The following KSR1 variants were observed in gnomAD, a reference collection of about 807,000 sequenced individuals.
The protein encoded by KSR1 is kinase suppressor of ras 1, also known as kinase suppressor of ras.
KSR1 carries 35 observed loss-of-function variants against 92.9 expected under a neutral mutation model. The ratio of observed to expected loss-of-function variants is 0.38; its 90% CI spans 0.29 to 0.50. The LOEUF (loss-of-function observed/expected upper bound fraction) is 0.50, where lower values mean the gene tolerates loss of function less well. KSR1 is among the 20% of genes least tolerant of loss of function. The pLI is 0.94. For missense variants in KSR1, 972 were observed against 1,158.5 expected (o/e 0.84, Z 2.34); for synonymous variants, 467 against 472.6 (o/e 0.99, Z 0.15).
At chr17:27,516,198 CT>C (rs2069787071) in intron 1 of KSR1, among the ~76,000 whole-genome samples, 1 of 152,158 alleles carries the variant, frequency 6.6e-6, no homozygotes, top group Non-Finnish European at 1.5e-5. Flanking sequence ...GTTTTCTCAT[CT>C]GTGAAAGAGC....
chr17:27,554,334 G>T (rs910448939), intron 2 of KSR1, among the ~76,000 whole-genome samples: 1 of 152,138 alleles, frequency 6.6e-6, no homozygotes, highest in Non-Finnish European at 1.5e-5. Flanking sequence ...TAAAACAGGG[G>T]ACCCATCCCC....
At chr17:27,546,679 G>C (rs963328377) in intron 1 of KSR1, among the ~76,000 whole-genome samples, 1 of 152,192 alleles carries the variant, frequency 6.6e-6, no homozygotes, top group African/African-American at 2.4e-5. Flanking sequence ...ATGGAACGGA[G>C]CTGGGGGGCT....
chr17:27,525,024 T>A (rs1047534869), intron 1 of KSR1, among the ~76,000 whole-genome samples: 1 of 152,236 alleles, frequency 6.6e-6, no homozygotes, highest in Admixed American at 6.5e-5. Context: ...TTACTGAAAA[T>A]GTGATCATTC....
chr17:27,506,584 C>T (rs916094851), intron 1 of KSR1, among the ~76,000 whole-genome samples: 36 of 152,128 alleles, frequency 2.4e-4, no homozygotes, highest in African/African-American at 8.7e-4. Flanking sequence ...ACTTGCGGGC[C>T]GGCAGCTGGG....
chr17:27,477,950 T>A (rs900096710), intron 1 of KSR1, among the ~76,000 whole-genome samples: 1 of 152,120 alleles, frequency 6.6e-6, no homozygotes, highest in Non-Finnish European at 1.5e-5. Context: ...TGGTCTCAAG[T>A]GAGGCCAAGG....
chr17:27,526,894 T>A, intron 1 of KSR1: 1 of 641,910 alleles, frequency 1.6e-6, no homozygotes, highest in Non-Finnish European at 2.8e-6. Context: ...ATGCTGGTGA[T>A]CTCCTTCCCT....
intron 1 of KSR1, among the ~76,000 whole-genome samples, chr17:27,539,683 G>A (rs2070887617): frequency 6.6e-6 from 1 of 152,134 alleles, no homozygotes; most frequent in Admixed American, 6.5e-5. Flanking sequence ...GGGTAAAGTG[G>A]GTGTCTTTCT....
intron 2 of KSR1, among the ~76,000 whole-genome samples, chr17:27,564,487 G>A (rs139285617): frequency 6.6e-6 from 1 of 152,306 alleles, no homozygotes; most frequent in East Asian, 1.9e-4. Flanking sequence ...ACAAATCCAA[G>A]GAAGTCTGGA....
At chr17:27,460,775 G>A (rs1235612968) in intron 1 of KSR1, among the ~76,000 whole-genome samples, 1 of 152,176 alleles carries the variant, frequency 6.6e-6, no homozygotes, top group Admixed American at 6.5e-5. Context: ...GAACTGCTGG[G>A]AGAGGGGAGG....
At chr17:27,547,680 A>G (rs185746550) in intron 1 of KSR1, among the ~76,000 whole-genome samples, 15 of 152,264 alleles carry the variant, frequency 9.9e-5, no homozygotes, top group Admixed American at 9.8e-4. Context: ...GTGCAGTCAG[A>G]CAAGGGATAC....
chr17:27,542,167 A>G (rs2948531), intron 1 of KSR1, among the ~76,000 whole-genome samples: 152,195 of 152,312 alleles, frequency 1, 76,039 homozygotes, highest in Middle Eastern at 1. Context: ...CTAGCCTCTG[A>G]AATTTTCACT....
intron 6 of KSR1, among the ~76,000 whole-genome samples, chr17:27,590,263 T>C (rs1408725735): frequency 6.6e-6 from 1 of 152,246 alleles, no homozygotes; most frequent in African/African-American, 2.4e-5. Context: ...TATTGTACCT[T>C]ACTTTTTTAA....
intron 1 of KSR1, among the ~76,000 whole-genome samples, chr17:27,508,720 T>TATTTATTC (rs933499141): frequency 1.3e-5 from 2 of 149,432 alleles, no homozygotes; most frequent in African/African-American, 4.9e-5. Flanking sequence ...TTTATTTATT[T>TATTTATTC]ATTTATTTAT....
At chr17:27,556,204 C>T (rs573550468) in intron 2 of KSR1, among the ~76,000 whole-genome samples, 3 of 152,236 alleles carry the variant, frequency 2.0e-5, no homozygotes, top group East Asian at 1.9e-4. Context: ...TCTTTTTCTT[C>T]AACGGTTATT....
intron 1 of KSR1, among the ~76,000 whole-genome samples, chr17:27,506,719 C>T (rs1282310785): frequency 6.4e-5 from 8 of 124,896 alleles, no homozygotes; most frequent in Non-Finnish European, 1.1e-4. Flanking sequence ...TTCTGTGGTG[C>T]GAGTGTTGGT....
At chr17:27,518,028 G>A (rs139240169) in intron 1 of KSR1, among the ~76,000 whole-genome samples, 25 of 152,344 alleles carry the variant, frequency 1.6e-4, no homozygotes, top group African/African-American at 5.8e-4. Context: ...TCTTGATACA[G>A]AAATAAATAA....
chr17:27,519,183 T>C (rs537240522), intron 1 of KSR1, among the ~76,000 whole-genome samples: 52 of 152,248 alleles, frequency 3.4e-4, no homozygotes, highest in African/African-American at 1.2e-3. Flanking sequence ...CTTGTGGTGG[T>C]CAGCGCCTGG....
At chr17:27,601,173 C>T in intron 10 of KSR1, 187 bp from the exon 11 acceptor site, 1 of 590,778 alleles carries the variant, frequency 1.7e-6, no homozygotes, top group African/African-American at 1.9e-5. Context: ...CCTGCCAGGG[C>T]CCATTTTCTC....
chr17:27,485,726 A>T (rs2068643574), intron 1 of KSR1, among the ~76,000 whole-genome samples: 1 of 152,154 alleles, frequency 6.6e-6, no homozygotes, highest in South Asian at 2.1e-4. Flanking sequence ...GGGCTTGTGC[A>T]CAGGGCTGTG....
Sources: allele counts gnomAD v4.1 joint callset (sites outside exome capture counted in the v4.1 genomes callset), GRCh38; gene constraint gnomAD v4.1.1; transcripts MANE v1.5; gene names NCBI Gene and HGNC (gene_info 2026-07-23, HGNC 2026-07-21).